The following ADAM22 variants were observed in gnomAD, a reference collection of about 807,000 sequenced individuals.
The protein encoded by ADAM22 is ADAM metallopeptidase domain 22.
A neutral mutation model predicts 144.6 loss-of-function variants in ADAM22; 65 were observed. The observed-to-expected ratio is 0.45, with a 90% CI of 0.37 to 0.55. ADAM22 has a LOEUF of 0.55. Ranked by LOEUF, ADAM22 falls within the 20% of genes least tolerant of loss-of-function variation. The probability of loss-of-function intolerance (pLI) is 0.00; values close to 1 mark genes in which losing one functional copy is unlikely to be tolerated. For synonymous variants in ADAM22, 391 were observed against 412.6 expected (o/e 0.95, Z 0.63); for missense variants, 974 against 1,184.9 (o/e 0.82, Z 2.61).
intron 4 of ADAM22, among the ~76,000 whole-genome samples, chr7:88,098,166 T>A (rs2129486117): frequency 6.6e-6 from 1 of 152,302 alleles, no homozygotes; most frequent in South Asian, 2.1e-4. Flanking sequence ...GGAAGCTGTG[T>A]TTGACTTAGT....
At chr7:88,080,286 C>T (rs1816117284) in intron 4 of ADAM22, among the ~76,000 whole-genome samples, 1 of 152,198 alleles carries the variant, frequency 6.6e-6, no homozygotes, top group East Asian at 1.9e-4. Flanking sequence ...TAAAGAGGTT[C>T]TTTGAAACCA....
chr7:88,077,476 G>T (rs1343532915), intron 4 of ADAM22, among the ~76,000 whole-genome samples: 1 of 152,160 alleles, frequency 6.6e-6, no homozygotes. Flanking sequence ...CATCTCACTG[G>T]GGAGTGCTGG....
intron 7 of ADAM22, among the ~76,000 whole-genome samples, chr7:88,122,186 G>A (rs1373107975): frequency 6.6e-6 from 1 of 152,132 alleles, no homozygotes; most frequent in Admixed American, 6.5e-5. Context: ...GTTTCTTGCT[G>A]GCTTTTGGCT....
intron 7 of ADAM22, among the ~76,000 whole-genome samples, chr7:88,121,386 T>G (rs575725440): frequency 3.9e-5 from 6 of 152,310 alleles, no homozygotes; most frequent in Non-Finnish European, 2.9e-5. Flanking sequence ...TTAGTGTAGA[T>G]ATTGTATTAT....
chr7:88,142,793 G>A (rs968702460), intron 14 of ADAM22, among the ~76,000 whole-genome samples: 10 of 151,468 alleles, frequency 6.6e-5, no homozygotes, highest in East Asian at 1.9e-4. Flanking sequence ...AGCCAAGATC[G>A]TGCCACTGCA....
At chr7:87,995,260 A>G (rs1028576003) in intron 3 of ADAM22, among the ~76,000 whole-genome samples, 3 of 152,164 alleles carry the variant, frequency 2.0e-5, no homozygotes, top group Non-Finnish European at 4.4e-5. Flanking sequence ...AACACCGTTG[A>G]TTGCTGCTGG....
At chr7:88,082,707 C>T (rs1319559214) in intron 4 of ADAM22, among the ~76,000 whole-genome samples, 7 of 152,152 alleles carry the variant, frequency 4.6e-5, no homozygotes, top group African/African-American at 1.7e-4. Flanking sequence ...CAAAAGAAGA[C>T]ATTTATGCAG....
intron 3 of ADAM22, among the ~76,000 whole-genome samples, chr7:88,025,567 C>T (rs78144530): frequency 0.046 from 7,023 of 152,066 alleles, 487 homozygotes; most frequent in African/African-American, 0.15. Context: ...ATAGGGGTCT[C>T]GTTTCATTCC....
intron 22 of ADAM22, among the ~76,000 whole-genome samples, chr7:88,156,893 G>GA (rs1282878236): frequency 2.7e-5 from 4 of 148,656 alleles, no homozygotes; most frequent in Non-Finnish European, 5.9e-5. Context: ...TCAGAGATGT[G>GA]AAAAAAAGTC....
At position 88,171,445 on chromosome 7, in the gene ADAM22, G is replaced by A. The variant is rs192872494; in HGVS notation, c.2283-99G>A. 3.6e-4 allele frequency: 396 copies of A among 1,105,900 alleles called. 1 individual carries two copies. The highest frequency in any genetic ancestry group is 4.5e-4 in the Non-Finnish European group (348 of 770,982). The allele number at this position is 1,105,900 out of a possible 1,614,324, so 68.5% of individuals were successfully genotyped here. On this transcript the variant is annotated intron_variant, in intron 25 of 31. Transcript: ENST00000413139. Reference sequence around the variant, plus strand: ...AATCCTCTAGTGAAGACTTTTCAATGAAAGCTAGAGCTTTTATGTTTAGAG... The same window carrying A: ...AATCCTCTAGTGAAGACTTTTCAATAAAAGCTAGAGCTTTTATGTTTAGAG...
chr7:88,184,469 T>C (rs1847839221), intron 29 of ADAM22: 1 of 277,980 alleles, frequency 3.6e-6, no homozygotes, highest in Admixed American at 5.0e-5. Context: ...TTTCCTTGGC[T>C]GAGAACAGGG....
intron 29 of ADAM22, 43 bp downstream of exon 29, chr7:88,182,067 G>T: frequency 6.6e-7 from 1 of 1,507,198 alleles, no homozygotes. Context: ...CCAAGGTCCT[G>T]TGCAAATAGT....
At chr7:87,996,982 T>C (rs1791388988) in intron 3 of ADAM22, among the ~76,000 whole-genome samples, 1 of 152,172 alleles carries the variant, frequency 6.6e-6, no homozygotes, top group African/African-American at 2.4e-5. Flanking sequence ...GCTCAGTGTG[T>C]TTAGTTATTA....
chr7:87,987,692 A>G (rs892272064), intron 3 of ADAM22, among the ~76,000 whole-genome samples: 3 of 152,208 alleles, frequency 2.0e-5, no homozygotes, highest in Non-Finnish European at 4.4e-5. Flanking sequence ...TCTAATAGTT[A>G]TATTTGTTTT....
At chr7:87,980,484 CTT>C (rs3216245) in intron 3 of ADAM22, among the ~76,000 whole-genome samples, 78,539 of 151,192 alleles carry the variant, frequency 0.52, 20,674 homozygotes, top group Non-Finnish European at 0.53. Flanking sequence ...GTTCTTTAAA[CTT>C]TTTTTTTCTT....
At position 87,934,491 on chromosome 7, in the gene ADAM22, T is replaced by C; in HGVS notation, c.26T>C (p.Val9Ala). Reference protein sequence around the residue: MQAAVAVSVPFLLLCVLGT... With the variant: MQAAVAVSAPFLLLCVLGT... ...ATGCAGGCGGCAGTGGCTGTGTCCG[T>C]GCCCTTCTTGCTGCTCTGTGTCCTG... Residue 9 changes from valine to alanine, a missense_variant, in exon 1 of 32, where the codon GTG becomes GCG. This residue lies in a region of ADAM22 where 240 missense variants were observed against 234.3 expected (regional missense o/e 1.02). Transcript: ENST00000413139. The C allele has an allele frequency of 6.2e-7, 1 of 1,607,200 alleles. No homozygotes were observed. Among genetic ancestry groups the C allele is most frequent in the Non-Finnish European group, 8.5e-7 (1 of 1,179,114 alleles).
Position 88,178,966 on chromosome 7 carries a change from C to T in ADAM22, c.2332C>T (p.Pro778Ser). The T allele has an allele frequency of 6.2e-7, 1 of 1,612,202 alleles. No homozygotes were observed. Among genetic ancestry groups the T allele is most frequent in the Non-Finnish European group, 8.5e-7 (1 of 1,179,100 alleles). ...ACCCCAGGGAGATTATGTAAAAAAG[C>T]CTGGAGATGGTGACTCTTTTTATAG... Reference protein sequence around the residue: ...QLPQGDYVKKPGDGDSFYSDI... With the variant: ...QLPQGDYVKKSGDGDSFYSDI... The change falls in exon 27 of 32, where the codon CCT (proline) becomes TCT (serine). Residue 778 changes from proline to serine, a missense_variant. Transcript: ENST00000413139.
At chr7:88,172,395 G>A (rs10281747) in intron 26 of ADAM22, among the ~76,000 whole-genome samples, 3 of 151,626 alleles carry the variant, frequency 2.0e-5, no homozygotes, top group African/African-American at 7.3e-5. Context: ...CCTAGACCAG[G>A]TCTTACACAT....
At chr7:88,192,638 G>C (rs1849866788) in intron 30 of ADAM22, among the ~76,000 whole-genome samples, 1 of 152,178 alleles carries the variant, frequency 6.6e-6, no homozygotes. Context: ...TGAGTGTTGT[G>C]TAAACTGGTG....
Sources: gnomAD v4.1 joint callset for allele counts (sites outside exome capture counted in the v4.1 genomes callset) on GRCh38, gnomAD v4.1.1 for gene constraint, gnomAD v4.1.1 regional missense constraint, MANE v1.5 for transcripts, NCBI Gene and HGNC (gene_info 2026-07-23, HGNC 2026-07-21) for gene names.